PASD1: variants seen among roughly 807,000 people sequenced by gnomAD.
PASD1 encodes the protein circadian clock protein PASD1.
A neutral mutation model predicts 58.8 loss-of-function variants in PASD1; 13 were observed. The ratio of observed to expected loss-of-function variants is 0.22; its 90% CI spans 0.14 to 0.35. The LOEUF is 0.35. Among genes scored for constraint, PASD1 ranks in the 10% least tolerant of loss-of-function variants. The pLI, the probability that PASD1 is intolerant of heterozygous loss-of-function variation, is 1.00. For synonymous variants in PASD1, 236 were observed against 216.7 expected, an observed-to-expected ratio of 1.09 and a Z score of -0.78; for missense variants, 734 against 568.3, an observed-to-expected ratio of 1.29 and a Z score of -2.96.
intron 9 of PASD1, among the ~76,000 whole-genome samples, chrX:151,651,819 A>G (rs1020262340): frequency 8.9e-6 from 1 of 112,023 alleles, no homozygotes; most frequent in Admixed American, 9.5e-5. Context: ...CAAATCTCAG[A>G]GTCTTGCTAT....
At chrX:151,631,330 G>T (rs2013863890) in intron 8 of PASD1, among the ~76,000 whole-genome samples, 1 of 111,587 alleles carries the variant, frequency 9.0e-6, no homozygotes, top group Non-Finnish European at 1.9e-5. Context: ...AAGTTATCCT[G>T]GGCTGCATTC....
chrX:151,672,071 G>C (rs1204108624), intron 13 of PASD1, 112 bp from the exon 14 acceptor site: 2 of 1,057,173 alleles, frequency 1.9e-6, no homozygotes, highest in Admixed American at 3.9e-5. Flanking sequence ...GTGCAGAGAG[G>C]CTCAACTGTT....
intron 1 of PASD1, among the ~76,000 whole-genome samples, chrX:151,572,277 A>T (rs907536439): frequency 9.0e-6 from 1 of 111,641 alleles, no homozygotes; most frequent in Non-Finnish European, 1.9e-5. Context: ...AACAACAACA[A>T]TAATAACAAT....
intron 1 of PASD1, among the ~76,000 whole-genome samples, chrX:151,583,244 CAT>C (rs1369870981): frequency 8.9e-6 from 1 of 112,244 alleles, no homozygotes; most frequent in Non-Finnish European, 1.9e-5. Context: ...CCATTTTCCT[CAT>C]GTGTAAAATG....
At position 151,664,227 on chromosome X, in the gene PASD1, A is replaced by G; in HGVS notation, c.950A>G (p.Glu317Gly). 6.6e-6 allele frequency: 8 copies of G among 1,210,913 alleles called. No individual in the cohort carries two copies. The highest frequency in any genetic ancestry group is 1.7e-5 in the African/African-American group (1 of 57,561). The change falls in exon 11 of 16, where the codon GAG (glutamate) becomes GGG (glycine). Residue 317 changes from glutamate (E) to glycine (G), a missense_variant. By Grantham distance (98) the Glu-to-Gly change is moderately conservative. Transcript: ENST00000370357. ...SVDQVDSVDQ[E>G]GPMDQQDPEN... ...GATCAGGTGGACTCAGTGGACCAGG[A>G]GGGCCCAATGGACCAGCAGGACCCA...
chrX:151,641,809 C>T (rs1030104399), intron 8 of PASD1, among the ~76,000 whole-genome samples: 3 of 94,093 alleles, frequency 3.2e-5, no homozygotes, highest in Non-Finnish European at 4.4e-5. Context: ...TGTGCACACG[C>T]GTACTTACAC....
intron 11 of PASD1, among the ~76,000 whole-genome samples, chrX:151,665,869 G>C (rs1228450162): frequency 9.5e-6 from 1 of 105,710 alleles, no homozygotes; most frequent in African/African-American, 3.5e-5. Context: ...TGTCTGTGTG[G>C]GTGTGTACAC....
At chrX:151,606,182 C>G (rs2013487301) in intron 3 of PASD1, among the ~76,000 whole-genome samples, 1 of 49,669 alleles carries the variant, frequency 2.0e-5, no homozygotes, top group Non-Finnish European at 4.6e-5. Context: ...AAAGTCTGTT[C>G]TTTATTCTTT....
intron 4 of PASD1, among the ~76,000 whole-genome samples, chrX:151,616,564 C>T (rs1208025524): frequency 1.8e-5 from 2 of 109,406 alleles, no homozygotes; most frequent in African/African-American, 3.3e-5. Flanking sequence ...CAGTCACTGC[C>T]CCCTGTTCTT....
At chrX:151,672,857 G>T in intron 14 of PASD1, 196 bp downstream of exon 14, 1 of 630,225 alleles carries the variant, frequency 1.6e-6, no homozygotes, top group Non-Finnish European at 2.3e-6. Flanking sequence ...GCATGGATGA[G>T]CATCCATTGA....
chrX:151,658,175 C>T (rs1029509037), intron 9 of PASD1, among the ~76,000 whole-genome samples: 2 of 111,904 alleles, frequency 1.8e-5, no homozygotes, highest in African/African-American at 3.2e-5. Flanking sequence ...GCACACTATT[C>T]GTGGAGACAA....
At position 151,662,122 on chromosome X, in the gene PASD1, C is replaced by T. The variant is rs746955934; in HGVS notation, c.842-1997C>T. On this transcript the variant is annotated intron_variant, in intron 10 of 15. Transcript: ENST00000370357. The stretch of plus-strand genomic sequence containing the variant: ...TGGAATTGGCCTACAGCAATTACTT[C>T]TAATGCCAATTTTTTATTTCCCTCG... Among the ~76,000 whole-genome samples, 5 of 112,545 alleles carry T rather than the reference C, an allele frequency of 4.4e-5. No homozygotes were observed. In the South Asian group the frequency reaches 1.8e-3, roughly 41 times the overall value.
intron 11 of PASD1, among the ~76,000 whole-genome samples, 187 bp downstream of exon 11, chrX:151,664,535 C>G (rs756615353): frequency 8.9e-6 from 1 of 112,591 alleles, no homozygotes; most frequent in Non-Finnish European, 1.9e-5. Context: ...TGGACCCTCA[C>G]AAACAGGGAG....
At position 151,605,789 on chromosome X, in the gene PASD1, T is replaced by C. The variant is rs189682201; in HGVS notation, c.117+1055T>C. Among the ~76,000 whole-genome samples, 204 of 111,015 alleles carry C rather than the reference T, an allele frequency of 1.8e-3. 2 individuals carry two copies. The Middle Eastern group carries it at 0.028, about 15-fold the overall frequency. Reference sequence around the variant, plus strand: ...CATTATGTTTCATTACATCTCACTCTGTCACCCAGGCTGGTCTCCCAAGCT... The same window carrying C: ...CATTATGTTTCATTACATCTCACTCCGTCACCCAGGCTGGTCTCCCAAGCT... On this transcript the variant is annotated intron_variant, in intron 3 of 15. Coordinates refer to ENST00000370357, the MANE Select transcript of PASD1 (RefSeq NM_173493.3).
chrX:151,640,088 C>G (rs1470270623), intron 8 of PASD1, among the ~76,000 whole-genome samples: 2 of 111,919 alleles, frequency 1.8e-5, no homozygotes, highest in Non-Finnish European at 3.8e-5. Flanking sequence ...AACCATATAC[C>G]ATGTTACCTT....
intron 4 of PASD1, among the ~76,000 whole-genome samples, chrX:151,618,414 C>T (rs2013665038): frequency 8.9e-6 from 1 of 112,284 alleles, no homozygotes; most frequent in Non-Finnish European, 1.9e-5. Context: ...ATTAAAGCCT[C>T]ATTACTTCTA....
At chrX:151,574,431 G>A (rs1447531403) in intron 1 of PASD1, among the ~76,000 whole-genome samples, 1 of 112,085 alleles carries the variant, frequency 8.9e-6, no homozygotes, top group East Asian at 2.8e-4. Context: ...CTCTTAGAAA[G>A]TGACAAGTGC....
intron 11 of PASD1, 109 bp from the exon 12 acceptor site, chrX:151,670,929 C>A: frequency 1.1e-6 from 1 of 871,410 alleles, no homozygotes. Flanking sequence ...GATTTGAGAG[C>A]TACCATTTGC....
At chrX:151,669,178 A>G (rs113010980) in intron 11 of PASD1, among the ~76,000 whole-genome samples, 5,257 of 51,203 alleles carry the variant, frequency 0.1, 293 homozygotes, top group African/African-American at 0.24. Context: ...GTGTGTGTGT[A>G]TATATATATA....
Sources: gnomAD v4.1 joint callset for allele counts (sites outside exome capture counted in the v4.1 genomes callset) on GRCh38, gnomAD v4.1.1 for gene constraint, MANE v1.5 for transcripts, NCBI Gene and HGNC (gene_info 2026-07-23, HGNC 2026-07-21) for gene names.